The following CMSS1 variants were observed in gnomAD, a reference collection of about 807,000 sequenced individuals.
CMSS1 encodes cms1 ribosomal small subunit homolog, also known as protein CMSS1.
Under a neutral mutation model 43.5 loss-of-function variants are expected in CMSS1, and 33 were observed. That is an observed-to-expected ratio of 0.76 (90% CI 0.57 to 1.01). CMSS1 has a LOEUF of 1.01. CMSS1 is among the 50% of genes least tolerant of loss of function. CMSS1 has a pLI of 0.00. For missense variants in CMSS1, 313 were observed against 326.4 expected (o/e 0.96, Z 0.32); for synonymous variants, 115 against 117.2 (o/e 0.98, Z 0.12).
intron 1 of CMSS1, among the ~76,000 whole-genome samples, chr3:100,056,971 T>A (rs1317049948): frequency 1.3e-5 from 2 of 151,996 alleles, no homozygotes; most frequent in South Asian, 4.1e-4. Context: ...ACCACTGCAC[T>A]CCAGCCTGGG....
chr3:100,019,537 AAAGAG>A (rs1212885420), intron 1 of CMSS1, among the ~76,000 whole-genome samples: 2 of 152,228 alleles, frequency 1.3e-5, no homozygotes, highest in African/African-American at 2.4e-5. Context: ...TAATTTTTTA[AAAGAG>A]AAAAGTAAAT....
chr3:100,135,911 T>G (rs774653805), intron 1 of CMSS1, among the ~76,000 whole-genome samples: 2 of 152,156 alleles, frequency 1.3e-5, no homozygotes, highest in Non-Finnish European at 2.9e-5. Flanking sequence ...GTCCAAAAGT[T>G]CTAGCTTTAA....
At chr3:99,976,082 G>A (rs919848832) in intron 1 of CMSS1, among the ~76,000 whole-genome samples, 9 of 151,866 alleles carry the variant, frequency 5.9e-5, no homozygotes, top group South Asian at 2.1e-4. Context: ...ACGAGGTTTC[G>A]CCATGTTTTC....
intron 1 of CMSS1, among the ~76,000 whole-genome samples, chr3:100,117,829 A>ATG (rs1559763259): frequency 5.7e-4 from 50 of 87,076 alleles, no homozygotes; most frequent in African/African-American, 2.5e-3. Flanking sequence ...ACTGCAGTAT[A>ATG]TATATATATA....
chr3:100,055,591 AAATT>A (rs1402322697), intron 1 of CMSS1, among the ~76,000 whole-genome samples: 2 of 152,332 alleles, frequency 1.3e-5, no homozygotes, highest in Admixed American at 6.5e-5. Context: ...ATAAAAATAT[AAATT>A]ACCCATTGCT....
chr3:99,950,241 A>G (rs1164997490), intron 1 of CMSS1, among the ~76,000 whole-genome samples: 2 of 152,286 alleles, frequency 1.3e-5, no homozygotes, highest in African/African-American at 2.4e-5. Context: ...TGTCCATGCT[A>G]TGTATCGGAA....
Position 100,072,681 on chromosome 3 carries a change from T to C in CMSS1, c.65-74292T>C, listed in dbSNP as rs151257056. Among the ~76,000 whole-genome samples the C allele has an allele frequency of 7.3e-3, 1,105 of 152,328 alleles. 4 individuals carry two copies. The highest frequency in any genetic ancestry group is 0.01 in the African/African-American group (423 of 41,562). ...TGCCTTCCAGAAATATGGGATTGCT[T>C]GAACACAGCTGAAATACAGATTATC... is the stretch of plus-strand genomic sequence containing the variant. On this transcript the variant is annotated intron_variant, in intron 1 of 9. Coordinates refer to ENST00000421999, the MANE Select transcript of CMSS1 (RefSeq NM_032359.4).
At chr3:99,909,054 G>A (rs1706710876) in intron 1 of CMSS1, among the ~76,000 whole-genome samples, 1 of 152,124 alleles carries the variant, frequency 6.6e-6, no homozygotes, top group Non-Finnish European at 1.5e-5. Context: ...GTGTGCACAG[G>A]CCATCAAAGG....
chr3:100,156,673 T>C (rs2066977866), intron 2 of CMSS1, among the ~76,000 whole-genome samples: 2 of 151,856 alleles, frequency 1.3e-5, no homozygotes, highest in South Asian at 4.2e-4. Context: ...TGGCGTGCAG[T>C]GGCACGATCT....
At chr3:99,883,845 G>C (rs1359664235) in intron 1 of CMSS1, among the ~76,000 whole-genome samples, 2 of 152,216 alleles carry the variant, frequency 1.3e-5, no homozygotes, top group East Asian at 3.8e-4. Flanking sequence ...CTGAGGAACA[G>C]AGAGGTTAGG....
At chr3:99,926,159 G>A (rs976487582) in intron 1 of CMSS1, among the ~76,000 whole-genome samples, 1 of 152,198 alleles carries the variant, frequency 6.6e-6, no homozygotes, top group Admixed American at 6.5e-5. Flanking sequence ...GACTAGAAAT[G>A]TACTTGACTA....
At chr3:99,865,815 T>A (rs376889808) in intron 1 of CMSS1, among the ~76,000 whole-genome samples, 1 of 152,062 alleles carries the variant, frequency 6.6e-6, no homozygotes, top group East Asian at 1.9e-4. Flanking sequence ...TTAAGAATAT[T>A]TATATGTTTT....
intron 1 of CMSS1, among the ~76,000 whole-genome samples, chr3:99,903,398 C>T (rs1361941072): frequency 6.6e-6 from 1 of 151,844 alleles, no homozygotes; most frequent in African/African-American, 2.4e-5. Context: ...ATTACAGGCG[C>T]CTGCCACCAC....
chr3:99,975,451 G>A (rs1353627916), intron 1 of CMSS1, among the ~76,000 whole-genome samples: 1 of 152,068 alleles, frequency 6.6e-6, no homozygotes, highest in African/African-American at 2.4e-5. Flanking sequence ...AATTAGCTGA[G>A]TATGGTGGCG....
chr3:99,946,363 T>C (rs947165299), intron 1 of CMSS1, among the ~76,000 whole-genome samples: 1 of 152,370 alleles, frequency 6.6e-6, no homozygotes, highest in Middle Eastern at 3.4e-3. Context: ...AATTTTTTGT[T>C]ACGGAAAAGG....
intron 1 of CMSS1, among the ~76,000 whole-genome samples, chr3:100,110,430 C>A (rs1209024749): frequency 6.6e-6 from 1 of 152,112 alleles, no homozygotes; most frequent in African/African-American, 2.4e-5. Context: ...CCCTGCATTC[C>A]AATTTCCTAG....
At chr3:99,860,452 G>A (rs1272789861) in intron 1 of CMSS1, among the ~76,000 whole-genome samples, 1 of 152,144 alleles carries the variant, frequency 6.6e-6, no homozygotes, top group Non-Finnish European at 1.5e-5. Context: ...GACTGGAATT[G>A]AGGCAAATCT....
At chr3:99,923,012 G>C (rs927521362) in intron 1 of CMSS1, among the ~76,000 whole-genome samples, 3 of 151,754 alleles carry the variant, frequency 2.0e-5, no homozygotes, top group African/African-American at 7.3e-5. Flanking sequence ...GGTGCTATTT[G>C]ACTGTTCACT....
intron 1 of CMSS1, chr3:99,849,029 T>C: frequency 4.3e-6 from 7 of 1,614,096 alleles, no homozygotes; most frequent in Non-Finnish European, 5.9e-6. Context: ...AAGTTGGCAT[T>C]GGGTTTAGTT....
Sources: allele counts gnomAD v4.1 joint callset (sites outside exome capture counted in the v4.1 genomes callset), GRCh38; gene constraint gnomAD v4.1.1; transcripts MANE v1.5; gene names NCBI Gene and HGNC (gene_info 2026-07-23, HGNC 2026-07-21).